The following DMXL1 variants were observed in gnomAD, a reference collection of about 807,000 sequenced individuals.
DMXL1 encodes the protein dmX-like protein 1.
Under a neutral mutation model 319.2 loss-of-function variants are expected in DMXL1, and 99 were observed. The ratio of observed to expected loss-of-function variants is 0.31; its 90% CI spans 0.26 to 0.37. The LOEUF (loss-of-function observed/expected upper bound fraction) is 0.37. Ranked by LOEUF, DMXL1 falls within the 10% of genes least tolerant of loss-of-function variation. DMXL1 has a pLI of 1.00. For missense variants in DMXL1, 3,745 were observed against 3,595.6 expected, an observed-to-expected ratio of 1.04 and a Z score of -1.06; for synonymous variants, 1,385 against 1,235.2, an observed-to-expected ratio of 1.12 and a Z score of -2.54.
intron 4 of DMXL1, 61 bp from the exon 5 acceptor site, chr5:119,110,090 C>A: frequency 7.1e-7 from 1 of 1,402,860 alleles, no homozygotes; most frequent in Non-Finnish European, 9.6e-7. Context: ...AATTCTTGAG[C>A]ATGTAAATTA....
intron 19 of DMXL1, among the ~76,000 whole-genome samples, chr5:119,156,333 T>G (rs1335218723): frequency 6.6e-6 from 1 of 152,224 alleles, no homozygotes; most frequent in Non-Finnish European, 1.5e-5. Flanking sequence ...GCACAGTTAA[T>G]AGACCACAGT....
chr5:119,129,444 A>C, intron 10 of DMXL1, 21 bp downstream of exon 10: 2 of 1,554,330 alleles, frequency 1.3e-6, no homozygotes, highest in Non-Finnish European at 1.7e-6. Flanking sequence ...AGAGGAAAGG[A>C]AAATTTAAAG....
intron 19 of DMXL1, among the ~76,000 whole-genome samples, chr5:119,157,464 C>G (rs1488917838): frequency 6.6e-6 from 1 of 152,134 alleles, no homozygotes; most frequent in Non-Finnish European, 1.5e-5. Flanking sequence ...AGGTCTTATG[C>G]TTAAGTATTT....
At chr5:119,111,475 C>G (rs994303768) in intron 5 of DMXL1, among the ~76,000 whole-genome samples, 3 of 151,812 alleles carry the variant, frequency 2.0e-5, no homozygotes, top group African/African-American at 7.3e-5. Flanking sequence ...AAAAATGTGG[C>G]TGATAGGAAA....
At chr5:119,125,471 T>C (rs1207584124) in intron 9 of DMXL1, among the ~76,000 whole-genome samples, 3 of 152,172 alleles carry the variant, frequency 2.0e-5, no homozygotes, top group Non-Finnish European at 4.4e-5. Flanking sequence ...ATATCTAAAT[T>C]AAATGTTGTT....
intron 17 of DMXL1, among the ~76,000 whole-genome samples, chr5:119,148,079 T>C (rs61279074): frequency 0.58 from 88,697 of 152,050 alleles, 26,641 homozygotes; most frequent in East Asian, 0.97. Flanking sequence ...AAATACAAAT[T>C]AAGGCTTATG....
intron 2 of DMXL1, among the ~76,000 whole-genome samples, chr5:119,100,974 G>T (rs1009072533): frequency 2.0e-5 from 3 of 151,508 alleles, no homozygotes; most frequent in African/African-American, 7.3e-5. Context: ...GTAAAGACGG[G>T]GTTTCACCGT....
At chr5:119,144,324 A>G (rs1443905517) in intron 14 of DMXL1, among the ~76,000 whole-genome samples, 1 of 151,856 alleles carries the variant, frequency 6.6e-6, no homozygotes, top group East Asian at 1.9e-4. Context: ...TTACTTATAA[A>G]GACTCATTGT....
intron 1 of DMXL1, chr5:119,081,730 T>A: frequency 1.0e-6 from 1 of 985,298 alleles, no homozygotes; most frequent in Non-Finnish European, 1.2e-6. Context: ...TTTTAACTAA[T>A]GGGGACAAAT....
chr5:119,175,176 A>G (rs1581162475), intron 25 of DMXL1, 85 bp from the exon 26 acceptor site: 1 of 1,005,924 alleles, frequency 9.9e-7, no homozygotes, highest in African/African-American at 1.7e-5. Context: ...TCATTCTTTT[A>G]AAAATGCTGA....
At chr5:119,206,935 C>T (rs1284560658) in intron 34 of DMXL1, 39 bp downstream of exon 34, 7 of 1,271,526 alleles carry the variant, frequency 5.5e-6, no homozygotes, top group Non-Finnish European at 7.6e-6. Context: ...AAATTGCATT[C>T]TTTCACAAAA....
chr5:119,162,401 A>C (rs1177590958), intron 19 of DMXL1, among the ~76,000 whole-genome samples: 1 of 152,150 alleles, frequency 6.6e-6, no homozygotes, highest in African/African-American at 2.4e-5. Context: ...TATTTTTCAT[A>C]TTTCTGCAGG....
In DMXL1 at chr5:119,164,647, A is replaced by G. The variant is rs1163148018; in HGVS notation, c.4843A>G (p.Thr1615Ala). Reference sequence around the variant, plus strand: ...GGGTGTGGGGTGGTGGGTCCGGAATACCCGCATCTTACGCAAATGCATAGA... The same window carrying G: ...GGGTGTGGGGTGGTGGGTCCGGAATGCCCGCATCTTACGCAAATGCATAGA... The part of the protein sequence containing the change: ...AMGVGWWVRN[T>A]RILRKCIEKV... Residue 1615 changes from threonine (T) to alanine (A), a missense_variant, in exon 20 of 44, where the codon ACC (threonine) becomes GCC (alanine). By Grantham distance (58) the Thr-to-Ala change is moderately conservative. This residue lies in a region of DMXL1 where 2,096 missense variants were observed against 1,985.4 expected (regional missense o/e 1.06). Transcript: ENST00000539542. 6.2e-7 allele frequency: 1 copy of G among 1,605,564 alleles called. No homozygotes were observed.
intron 38 of DMXL1, among the ~76,000 whole-genome samples, chr5:119,228,577 A>G (rs1218372711): frequency 6.6e-6 from 1 of 152,186 alleles, no homozygotes; most frequent in East Asian, 1.9e-4. Flanking sequence ...TTATTTGACA[A>G]TGCTTCCCAT....
Position 119,220,361 on chromosome 5 carries a change from CT to C in DMXL1, c.8014-108del, listed in dbSNP as rs1192609377. 3 of 891,072 alleles carry C rather than the reference CT, an allele frequency of 3.4e-6. No individual in the cohort carries two copies. In the African/African-American group the frequency reaches 5.1e-5, roughly 15 times the overall value. 55.2% of individuals were successfully genotyped at this position (891,072 alleles called of 1,614,324 possible). A position where few individuals can be genotyped will look rare whatever the true frequency, so the allele number is the denominator to read the frequency against. On this transcript the variant is annotated intron_variant, in intron 35 of 43. Coordinates refer to ENST00000539542, the MANE Select transcript of DMXL1 (RefSeq NM_001290321.3). ...AAGTAAGAATGCTGTATATCCTGTA[CT>C]TTAGTTATCACTGCTAGAGGTTATT...
rs756974826 is a variant in DMXL1 at position 119,133,789 on chromosome 5, C to G, written c.1865C>G (p.Ser622Cys). 1.2e-6 allele frequency: 2 copies of G among 1,614,188 alleles called. No individual in the cohort carries two copies. The highest frequency in any genetic ancestry group is 1.7e-6 in the Non-Finnish European group (2 of 1,180,028). Residue 622 changes from serine (S) to cysteine (C), a missense_variant, in exon 12 of 44, where the codon TCT becomes TGT. Transcript: ENST00000539542. ...LVSFAEESAF[S>C]TVLSISHKSR... ...AGTTTTGCCGAGGAATCTGCTTTTTCTACTGTTCTCAGTATTTCCCACAAA... is the reference window on the plus strand; with the variant it reads ...AGTTTTGCCGAGGAATCTGCTTTTTGTACTGTTCTCAGTATTTCCCACAAA...
At chr5:119,197,404 G>A (rs1238185789) in intron 31 of DMXL1, among the ~76,000 whole-genome samples, 1 of 152,138 alleles carries the variant, frequency 6.6e-6, no homozygotes, top group African/African-American at 2.4e-5. Flanking sequence ...AAGCTGTCTG[G>A]GCCGCATGCA....
chr5:119,143,969 A>T, intron 14 of DMXL1, 39 bp downstream of exon 14: 2 of 1,263,712 alleles, frequency 1.6e-6, no homozygotes, highest in Non-Finnish European at 2.2e-6. Context: ...ATTAAAAAAA[A>T]GTTTATGAAA....
At chr5:119,130,098 T>C (rs1329537716) in intron 10 of DMXL1, among the ~76,000 whole-genome samples, 1 of 152,164 alleles carries the variant, frequency 6.6e-6, no homozygotes, top group East Asian at 1.9e-4. Context: ...TGGTTTTTTT[T>C]TTTAAAGTTT....
Sources: gnomAD v4.1 joint callset for allele counts (sites outside exome capture counted in the v4.1 genomes callset) on GRCh38, gnomAD v4.1.1 for gene constraint, gnomAD v4.1.1 regional missense constraint, MANE v1.5 for transcripts, NCBI Gene and HGNC (gene_info 2026-07-23, HGNC 2026-07-21) for gene names.